TTC27: variants seen among roughly 807,000 people sequenced by gnomAD.
TTC27 encodes tetratricopeptide repeat domain 27, also known as tetratricopeptide repeat protein 27.
A neutral mutation model predicts 115.9 loss-of-function variants in TTC27; 79 were observed. That is an observed-to-expected ratio of 0.68 (90% confidence interval 0.57 to 0.82). TTC27 has a LOEUF of 0.82. Among genes scored for constraint, TTC27 ranks in the 40% least tolerant of loss-of-function variants. The pLI, the probability that TTC27 is intolerant of heterozygous loss-of-function variation, is 0.00. For missense variants in TTC27, 1,054 were observed against 993.1 expected, an observed-to-expected ratio of 1.06 and a Z score of -0.82; for synonymous variants, 401 against 356.0, an observed-to-expected ratio of 1.13 and a Z score of -1.42.
At chr2:32,808,972 T>G (rs1028860584) in intron 16 of TTC27, among the ~76,000 whole-genome samples, 1 of 152,242 alleles carries the variant, frequency 6.6e-6, no homozygotes, top group Non-Finnish European at 1.5e-5. Flanking sequence ...GGGATTGTAA[T>G]ATGAATTTCA....
At chr2:32,753,188 C>G (rs917781924) in intron 12 of TTC27, among the ~76,000 whole-genome samples, 6 of 152,064 alleles carry the variant, frequency 3.9e-5, no homozygotes, top group African/African-American at 1.4e-4. Context: ...AGCATGATGA[C>G]TACAGGGAGT....
chr2:32,736,556 A>T, intron 11 of TTC27, 138 bp from the exon 12 acceptor site: 1 of 918,920 alleles, frequency 1.1e-6, no homozygotes, highest in South Asian at 1.8e-5. Context: ...CAAACTTCTA[A>T]ATAGTACAGA....
At chr2:32,787,634 A>G (rs1252022718) in intron 16 of TTC27, among the ~76,000 whole-genome samples, 1 of 152,184 alleles carries the variant, frequency 6.6e-6, no homozygotes, top group Non-Finnish European at 1.5e-5. Context: ...GAATAAAGTT[A>G]TCCCTCCAGA....
At chr2:32,776,761 G>A (rs145789673) in intron 13 of TTC27, among the ~76,000 whole-genome samples, 26 of 151,968 alleles carry the variant, frequency 1.7e-4, no homozygotes, top group African/African-American at 3.9e-4. Context: ...GGTGCACACC[G>A]TCATGTCCGG....
At chr2:32,631,893 C>T (rs1032848205) in intron 2 of TTC27, among the ~76,000 whole-genome samples, 1 of 151,584 alleles carries the variant, frequency 6.6e-6, no homozygotes, top group Non-Finnish European at 1.5e-5. Flanking sequence ...TCACTGCAAC[C>T]TCCGCCTCCC....
At chr2:32,704,865 C>T (rs1307166395) in intron 10 of TTC27, 1 of 471,042 alleles carries the variant, frequency 2.1e-6, no homozygotes, top group Non-Finnish European at 4.4e-6. Flanking sequence ...CCTCAGGTGG[C>T]ACATGATGTT....
At chr2:32,803,814 T>C (rs569172236) in intron 16 of TTC27, among the ~76,000 whole-genome samples, 2 of 152,266 alleles carry the variant, frequency 1.3e-5, no homozygotes, top group African/African-American at 4.8e-5. Flanking sequence ...ATGACCAGCC[T>C]GGCCAACATG....
chr2:32,685,766 A>G (rs558539724), intron 9 of TTC27, among the ~76,000 whole-genome samples: 1 of 152,338 alleles, frequency 6.6e-6, no homozygotes, highest in East Asian at 1.9e-4. Context: ...ATTATTGGTG[A>G]AAAGTAGTCT....
chr2:32,628,285 CTG>C lies in TTC27; in HGVS notation c.-7_-6del, dbSNP rs1189626017. The stretch of plus-strand genomic sequence containing the variant: ...GAGCCTGTTTTGGCTGCAGCGGTGT[CTG>C]GGGTGATGTGGACCCCGGAGCTGGC... On this transcript the variant is annotated 5_prime_UTR_variant, in exon 1 of 20. Coordinates refer to ENST00000317907, the MANE Select transcript of TTC27 (RefSeq NM_017735.5). 1 of 1,601,452 alleles carries C rather than the reference CTG, an allele frequency of 6.2e-7. No homozygotes were observed. The highest frequency in any genetic ancestry group is 2.3e-5 in the East Asian group (1 of 44,356).
chr2:32,645,006 T>A (rs950942572), intron 4 of TTC27, among the ~76,000 whole-genome samples: 9 of 151,996 alleles, frequency 5.9e-5, no homozygotes, highest in Non-Finnish European at 1.3e-4. Context: ...TATATCTTTC[T>A]CTTAATGGTG....
rs748231016 is a variant in TTC27 at position 32,702,803 on chromosome 2, T to C, written c.1120-4T>C. On this transcript the variant is annotated splice_region_variant and splice_polypyrimidine_tract_variant and intron_variant, in intron 9 of 19. Transcript: ENST00000317907. Reference sequence around the variant, plus strand: ...TATGATTTTTTTCTTCCCGCTTCTATCAGTGTTTGCTTTCACAACCAAAGT... The same window carrying C: ...TATGATTTTTTTCTTCCCGCTTCTACCAGTGTTTGCTTTCACAACCAAAGT... 1 of 1,602,634 alleles carries C rather than the reference T, an allele frequency of 6.2e-7. No individual in the cohort carries two copies. Among genetic ancestry groups the C allele is most frequent in the Non-Finnish European group, 8.5e-7 (1 of 1,170,136 alleles).
intron 10 of TTC27, among the ~76,000 whole-genome samples, chr2:32,728,258 G>C (rs1022363754): frequency 4.6e-5 from 7 of 151,974 alleles, no homozygotes; most frequent in African/African-American, 7.3e-5. Context: ...AGCCAGGATG[G>C]TCTCGATCTC....
At chr2:32,637,631 A>G (rs906505938) in intron 3 of TTC27, among the ~76,000 whole-genome samples, 1 of 152,132 alleles carries the variant, frequency 6.6e-6, no homozygotes, top group African/African-American at 2.4e-5. Flanking sequence ...GGGCCTGGCC[A>G]GGATTCTCTT....
chr2:32,804,906 T>A lies in TTC27; in HGVS notation c.1999-6118T>A, dbSNP rs543719995. Among the ~76,000 whole-genome samples the A allele has an allele frequency of 1.0e-3, 158 of 151,636 alleles. 3 individuals are homozygous for A. Among genetic ancestry groups the A allele is most frequent in the South Asian group, 9.4e-3 (45 of 4,790 alleles). ...TCTGACATGGGGGAAATTCTAATTTTAAAAAAAAATTACAAAAACAAAACC... is the reference window on the plus strand; with the variant it reads ...TCTGACATGGGGGAAATTCTAATTTAAAAAAAAAATTACAAAAACAAAACC... On this transcript the variant is annotated intron_variant, in intron 16 of 19. Transcript: ENST00000317907.
At chr2:32,695,718 CAAAAAAAAAAAAAAA>C (rs66677186) in intron 9 of TTC27, among the ~76,000 whole-genome samples, 3 of 29,706 alleles carry the variant, frequency 1.0e-4, no homozygotes, top group African/African-American at 1.4e-4. Context: ...GGCTCTATCT[CAAAAAAAAAAAAAAA>C]AAAAAAAAAA....
At chr2:32,741,267 T>C (rs1408732544) in intron 12 of TTC27, among the ~76,000 whole-genome samples, 1 of 152,180 alleles carries the variant, frequency 6.6e-6, no homozygotes, top group African/African-American at 2.4e-5. Context: ...TGTGTACTCC[T>C]ATGGCACCCA....
chr2:32,794,147 C>T (rs563135482), intron 16 of TTC27, among the ~76,000 whole-genome samples: 60 of 152,218 alleles, frequency 3.9e-4, no homozygotes, highest in Admixed American at 2.3e-3. Context: ...CAACAGCATA[C>T]GTATTCTTCC....
intron 9 of TTC27, among the ~76,000 whole-genome samples, chr2:32,690,411 A>G (rs2151894618): frequency 6.6e-6 from 1 of 152,326 alleles, no homozygotes; most frequent in East Asian, 1.9e-4. Context: ...CCCAGGTCAG[A>G]GAAATTTATG....
At chr2:32,740,897 C>T (rs1480042068) in intron 12 of TTC27, among the ~76,000 whole-genome samples, 2 of 152,092 alleles carry the variant, frequency 1.3e-5, no homozygotes, top group African/African-American at 4.8e-5. Flanking sequence ...TCAGGTGATC[C>T]GCCTGCCTCA....
Sources: gnomAD v4.1 joint callset for allele counts (sites outside exome capture counted in the v4.1 genomes callset) on GRCh38, gnomAD v4.1.1 for gene constraint, MANE v1.5 for transcripts, NCBI Gene and HGNC (gene_info 2026-07-23, HGNC 2026-07-21) for gene names.